Variants in ADGRB3 observed in about 807,000 individuals in gnomAD.
ADGRB3 encodes the protein brain-specific angiogenesis inhibitor 3.
A neutral mutation model predicts 193.4 loss-of-function variants in ADGRB3; 37 were observed. The observed-to-expected ratio is 0.19, with a 90% CI of 0.15 to 0.25. The LOEUF is 0.25. Among genes scored for constraint, ADGRB3 ranks in the 10% least tolerant of loss-of-function variants. ADGRB3 has a pLI of 1.00. For synonymous variants in ADGRB3, 690 were observed against 644.2 expected (o/e 1.07, Z -1.08); for missense variants, 1,637 against 1,852.9 (o/e 0.88, Z 2.14).
chr6:69,178,290 C>T (rs539008372), intron 17 of ADGRB3, among the ~76,000 whole-genome samples: 1 of 152,242 alleles, frequency 6.6e-6, no homozygotes, highest in African/African-American at 2.4e-5. Flanking sequence ...CATGATAGAT[C>T]TTTCTCCAAC....
At chr6:68,969,865 A>G (rs1768507472) in intron 8 of ADGRB3, among the ~76,000 whole-genome samples, 1 of 152,228 alleles carries the variant, frequency 6.6e-6, no homozygotes, top group East Asian at 1.9e-4. Context: ...CACAGAAGGC[A>G]AACTATCTTA....
At chr6:68,943,404 A>G (rs1007466824) in intron 5 of ADGRB3, among the ~76,000 whole-genome samples, 2 of 152,112 alleles carry the variant, frequency 1.3e-5, no homozygotes, top group Non-Finnish European at 2.9e-5. Flanking sequence ...AATTTTATAA[A>G]TGTTAGGAGA....
At chr6:69,060,250 C>CTCTCTCTCTCTCTCTCTCTCTCTCTCT in intron 15 of ADGRB3, among the ~76,000 whole-genome samples, 1 of 138,404 alleles carries the variant, frequency 7.2e-6, no homozygotes, top group Non-Finnish European at 1.6e-5. Context: ...CTCTCTCTCT[C>CTCTCTCTCTCTCTCTCTCTCTCTCTCT]CTCCTCTGTC....
intron 3 of ADGRB3, among the ~76,000 whole-genome samples, chr6:68,730,853 CT>C (rs1403748961): frequency 4.6e-5 from 7 of 151,574 alleles, no homozygotes; most frequent in Admixed American, 1.3e-4. Context: ...CTGTAGTTAG[CT>C]TTTATTTCAG....
chr6:69,260,948 A>G (rs968698834), intron 20 of ADGRB3, among the ~76,000 whole-genome samples: 1 of 152,180 alleles, frequency 6.6e-6, no homozygotes, highest in Non-Finnish European at 1.5e-5. Flanking sequence ...TCAGTCTTTT[A>G]CACAAAGATC....
intron 3 of ADGRB3, among the ~76,000 whole-genome samples, chr6:68,817,217 C>T (rs1331363267): frequency 6.7e-6 from 1 of 148,294 alleles, no homozygotes. Flanking sequence ...CTGTATCCTG[C>T]TTGACATAAA....
At position 68,956,507 on chromosome 6, in the gene ADGRB3, A is replaced by G. The variant is rs115782764; in HGVS notation, c.1361-138A>G. 1,039 of 1,174,776 alleles carry G rather than the reference A, an allele frequency of 8.8e-4. 9 individuals carry two copies. In the African/African-American group the frequency reaches 0.015, roughly 16 times the overall value. 72.8% of individuals were successfully genotyped at this position (1,174,776 alleles called of 1,614,324 possible). ...TCGCAATGCTCTATATTTGACCTGT[A>G]AGTTAAATATTTGAATAAGGTTTAT... On this transcript the variant is annotated intron_variant, in intron 7 of 31. Transcript: ENST00000370598.
intron 3 of ADGRB3, among the ~76,000 whole-genome samples, chr6:68,888,405 A>C (rs1403926): frequency 0.79 from 119,976 of 152,062 alleles, 47,908 homozygotes; most frequent in Middle Eastern, 0.85. Flanking sequence ...AAGAGAGAGA[A>C]ATCACAAGTG....
intron 3 of ADGRB3, among the ~76,000 whole-genome samples, chr6:68,904,366 TG>T (rs1353145633): frequency 3.9e-5 from 6 of 152,288 alleles, no homozygotes; most frequent in African/African-American, 1.4e-4. Context: ...TATAATCTTA[TG>T]GGACCACTGT....
rs778652107 is a variant in ADGRB3, at chr6:69,332,935, A to G, written c.3115A>G (p.Ile1039Val). 6.2e-7 allele frequency: 1 copy of G among 1,613,870 alleles called. No homozygotes were observed. Among genetic ancestry groups the G allele is most frequent in the Admixed American group, 1.7e-5 (1 of 60,016 alleles). ...TTCTGTTTGACAGGTCAACATGGTGATTGGCATTTTGGTATTTAATAAACT... is the reference window on the plus strand; with the variant it reads ...TTCTGTTTGACAGGTCAACATGGTGGTTGGCATTTTGGTATTTAATAAACT... ...AAAVVLVNMV[I>V]GILVFNKLVS... The change falls in exon 24 of 32, where the codon ATT becomes GTT. Residue 1039 changes from isoleucine (I) to valine (V), a missense_variant. Physicochemically the swap from Ile to Val is conservative, Grantham distance 29 (BLOSUM62 3). Around this residue, in one of 7 missense-constraint regions of ADGRB3, gnomAD observed 87 missense variants for 161.0 expected, o/e 0.54. Coordinates refer to ENST00000370598, the MANE Select transcript of ADGRB3 (RefSeq NM_001704.3).
chr6:68,764,551 A>C (rs1373047943), intron 3 of ADGRB3, among the ~76,000 whole-genome samples: 1 of 152,156 alleles, frequency 6.6e-6, no homozygotes, highest in Non-Finnish European at 1.5e-5. Context: ...TAAAGACCGG[A>C]TTATCAAGAG....
chr6:69,308,114 C>G (rs527481426), intron 20 of ADGRB3, among the ~76,000 whole-genome samples: 1 of 151,496 alleles, frequency 6.6e-6, no homozygotes, highest in East Asian at 2.0e-4. Context: ...TAAGCAGATC[C>G]ACTAAGACCA....
chr6:68,784,370 C>A (rs1239894792), intron 3 of ADGRB3, among the ~76,000 whole-genome samples: 3 of 152,036 alleles, frequency 2.0e-5, no homozygotes, highest in African/African-American at 4.8e-5. Flanking sequence ...TCACATATCA[C>A]CTTGATCTGA....
chr6:69,011,167 G>GTGTGTATA (rs531482642), intron 11 of ADGRB3, among the ~76,000 whole-genome samples: 12 of 143,052 alleles, frequency 8.4e-5, no homozygotes, highest in Non-Finnish European at 1.5e-4. Flanking sequence ...GTGTGTGTGT[G>GTGTGTATA]TATATATATA....
intron 24 of ADGRB3, among the ~76,000 whole-genome samples, chr6:69,337,317 TG>T (rs1768873158): frequency 6.6e-6 from 1 of 152,164 alleles, no homozygotes; most frequent in South Asian, 2.1e-4. Flanking sequence ...CATATTAATC[TG>T]ATCAGATTTA....
At position 68,815,638 on chromosome 6, in the gene ADGRB3, T is replaced by TGTGTGGGTGG. The variant is rs146536913; in HGVS notation, c.758-114918_758-114917insTGGGTGGGTG. On this transcript the variant is annotated intron_variant, in intron 3 of 31. Transcript: ENST00000370598. Reference sequence around the variant, plus strand: ...GTGTGTGTGTGTGTGTGTGTGTGTGTGTGCATGTAGATCTCATTTGATGTA... The same window carrying TGTGTGGGTGG: ...GTGTGTGTGTGTGTGTGTGTGTGTGTGTGTGGGTGGGTGCATGTAGATCTCATTTGATGTA... Among the ~76,000 whole-genome samples, 913 of 149,492 alleles carry TGTGTGGGTGG rather than the reference T, an allele frequency of 6.1e-3. 4 individuals carry two copies. Among genetic ancestry groups the TGTGTGGGTGG allele is most frequent in the East Asian group, 0.02 (99 of 4,986 alleles).
At chr6:69,279,071 GTATATATATA>G (rs57824884) in intron 20 of ADGRB3, among the ~76,000 whole-genome samples, 3,418 of 71,284 alleles carry the variant, frequency 0.048, 187 homozygotes, top group African/African-American at 0.066. Flanking sequence ...AAATACATAT[GTATATATATA>G]TATATATATA....
At chr6:68,784,063 T>C (rs1157483242) in intron 3 of ADGRB3, among the ~76,000 whole-genome samples, 1 of 152,118 alleles carries the variant, frequency 6.6e-6, no homozygotes, top group Non-Finnish European at 1.5e-5. Flanking sequence ...GGCTCAAAAT[T>C]AAGACAATGA....
At chr6:68,874,304 T>G (rs1357536949) in intron 3 of ADGRB3, among the ~76,000 whole-genome samples, 1 of 152,110 alleles carries the variant, frequency 6.6e-6, no homozygotes, top group East Asian at 1.9e-4. Context: ...ACCTTATAAT[T>G]TATTATTACA....
Sources: gnomAD v4.1 joint callset for allele counts (sites outside exome capture counted in the v4.1 genomes callset) on GRCh38, gnomAD v4.1.1 for gene constraint, gnomAD v4.1.1 regional missense constraint, MANE v1.5 for transcripts, NCBI Gene and HGNC (gene_info 2026-07-23, HGNC 2026-07-21) for gene names.